Variants in PYGO1 observed in about 807,000 individuals in gnomAD.
The protein encoded by PYGO1 is pygopus homolog 1.
In PYGO1, 6 loss-of-function variants were observed where a neutral mutation model predicts 29.5. That is an observed-to-expected ratio of 0.20 (90% CI 0.11 to 0.40). PYGO1 has a LOEUF of 0.40. Ranked by LOEUF, PYGO1 falls within the 10% of genes least tolerant of loss-of-function variation. The probability of loss-of-function intolerance (pLI) is 1.00; values close to 1 mark genes in which losing one functional copy is unlikely to be tolerated. For synonymous variants in PYGO1, 186 were observed against 180.5 expected, an observed-to-expected ratio of 1.03 and a Z score of -0.24; for missense variants, 515 against 514.9, an observed-to-expected ratio of 1.00 and a Z score of 0.00.
At chr15:55,554,865 A>G (rs1209000099) in intron 1 of PYGO1, among the ~76,000 whole-genome samples, 2 of 152,218 alleles carry the variant, frequency 1.3e-5, no homozygotes, top group Admixed American at 1.3e-4. Context: ...GGAATTATGT[A>G]GAGAATAAAT....
In PYGO1 at chr15:55,560,652, C is replaced by G. The variant is rs74415573; in HGVS notation, c.50-11657G>C. On this transcript the variant is annotated intron_variant, in intron 1 of 2. Coordinates refer to ENST00000563719, the MANE Select transcript of PYGO1 (RefSeq NM_001367806.1). Reference sequence around the variant, plus strand: ...GCTATTCTCATCAAACTACCATTGACATTCTTCACAGAATTAGAAAACACT... The same window carrying G: ...GCTATTCTCATCAAACTACCATTGAGATTCTTCACAGAATTAGAAAACACT... 8.4e-3 allele frequency among the ~76,000 whole-genome samples: 1,282 copies of G among 152,280 alleles called. 22 individuals carry two copies. The highest frequency in any genetic ancestry group is 0.054 in the East Asian group (282 of 5,180).
intron 1 of PYGO1, among the ~76,000 whole-genome samples, chr15:55,582,644 A>G (rs151122146): frequency 6.6e-6 from 1 of 152,152 alleles, no homozygotes; most frequent in African/African-American, 2.4e-5. Context: ...TGACTTCCAG[A>G]GCTCTACTTC....
intron 1 of PYGO1, among the ~76,000 whole-genome samples, chr15:55,586,804 A>C (rs1407712417): frequency 6.6e-6 from 1 of 152,212 alleles, no homozygotes; most frequent in African/African-American, 2.4e-5. Flanking sequence ...ATCACCTTAC[A>C]TACAATCCAT....
At chr15:55,565,784 A>T (rs1365357507) in intron 1 of PYGO1, among the ~76,000 whole-genome samples, 1 of 151,838 alleles carries the variant, frequency 6.6e-6, no homozygotes, top group East Asian at 1.9e-4. Flanking sequence ...GTCCTTTGCC[A>T]TTTTTTCTTT....
intron 1 of PYGO1, among the ~76,000 whole-genome samples, chr15:55,574,917 A>C (rs991106033): frequency 6.6e-6 from 1 of 152,184 alleles, no homozygotes; most frequent in Admixed American, 6.5e-5. Context: ...ACAATACCAG[A>C]TTGTTACAAA....
intron 1 of PYGO1, among the ~76,000 whole-genome samples, chr15:55,580,027 G>A (rs985834493): frequency 4.6e-5 from 7 of 152,108 alleles, no homozygotes; most frequent in African/African-American, 1.7e-4. Flanking sequence ...GAGGTCCATG[G>A]GGTTTAAGGT....
Position 55,587,860 on chromosome 15 carries a change from A to G in PYGO1, c.24T>C (p.Asp8=). 1 of 1,494,748 alleles carries G rather than the reference A, an allele frequency of 6.7e-7. No individual in the cohort carries two copies. Among genetic ancestry groups the G allele is most frequent in the Non-Finnish European group, 8.9e-7 (1 of 1,125,158 alleles). The allele number at this position is 1,494,748 out of a possible 1,614,324, so 92.6% of individuals were successfully genotyped here. A position where few individuals can be genotyped will look rare whatever the true frequency, so the allele number is the denominator to read the frequency against. Residue 8 remains aspartate, a synonymous_variant, in exon 1 of 3, where the codon GAT becomes GAC. Transcript: ENST00000563719. ...CTCGAACTCTCTTCAGCGAAATGGGATCCTTCTCCTGTTCTGCTGACATTA... is the reference window on the plus strand; with the variant it reads ...CTCGAACTCTCTTCAGCGAAATGGGGTCCTTCTCCTGTTCTGCTGACATTA... MSAEQEK[D]PISLKRVRGG...
chr15:55,548,735 AAAAAAAAAAAAAAAG>A (rs2058864487), intron 2 of PYGO1, among the ~76,000 whole-genome samples, 160 bp downstream of exon 2: 12 of 131,826 alleles, frequency 9.1e-5, no homozygotes, highest in African/African-American at 3.1e-4. Flanking sequence ...AAAAAAAAAA[AAAAAAAAAAAAAAAG>A]AAAGTACCAT....
chr15:55,586,869 A>G (rs1224600699), intron 1 of PYGO1, among the ~76,000 whole-genome samples: 1 of 152,172 alleles, frequency 6.6e-6, no homozygotes, highest in African/African-American at 2.4e-5. Context: ...GTTGTCCACC[A>G]TACCACCTAC....
chr15:55,554,422 T>C (rs568860639), intron 1 of PYGO1, among the ~76,000 whole-genome samples: 20 of 144,972 alleles, frequency 1.4e-4, no homozygotes, highest in African/African-American at 3.6e-4. Flanking sequence ...TGAGCTGATA[T>C]TGAACCACTG....
At position 55,546,800 on chromosome 15, in the gene PYGO1, A is replaced by G. The variant is rs772507577; in HGVS notation, c.483T>C (p.Tyr161=). 17 of 1,613,938 alleles carry G rather than the reference A, an allele frequency of 1.1e-5. No individual in the cohort carries two copies. The highest frequency in any genetic ancestry group is 4.5e-5 in the East Asian group (2 of 44,890). The change falls in exon 3 of 3, where the codon TAT becomes TAC. Residue 161 remains tyrosine (Y), a synonymous_variant. Transcript: ENST00000563719. The stretch of plus-strand genomic sequence containing the variant: ...TGACATTCTGACTTAGTGCATTATT[A>G]TAAGATGGATTACCGAAACTTGAAT... ...HDNSSFGNPS[Y]NNALSQNVNM...
Position 55,545,135 on chromosome 15 carries a change from G to A in PYGO1, c.*888C>T, listed in dbSNP as rs984214650. The A allele has an allele frequency of 1.3e-5, 2 of 152,094 alleles. No homozygotes were observed. Among genetic ancestry groups the A allele is most frequent in the Non-Finnish European group, 2.9e-5 (2 of 68,014 alleles). 9.4% of individuals were successfully genotyped at this position (152,094 alleles called of 1,614,324 possible). On this transcript the variant is annotated 3_prime_UTR_variant, in exon 3 of 3. Transcript: ENST00000563719. ...CTAGCAGAGCCCTCTAAGGCCAAAT[G>A]GATGTTTCTACCTTCCTCATCTGCA...
intron 1 of PYGO1, among the ~76,000 whole-genome samples, chr15:55,550,656 A>G (rs867739623): frequency 2.6e-5 from 4 of 152,256 alleles, no homozygotes; most frequent in South Asian, 4.1e-4. Context: ...GTCACTGTCC[A>G]TGCTACCTCA....
chr15:55,578,188 T>C (rs1462584180), intron 1 of PYGO1, among the ~76,000 whole-genome samples: 1 of 152,222 alleles, frequency 6.6e-6, no homozygotes, highest in Non-Finnish European at 1.5e-5. Flanking sequence ...CTCCATTTTA[T>C]GGCTGATTAA....
intron 1 of PYGO1, among the ~76,000 whole-genome samples, chr15:55,575,114 G>C (rs1020990314): frequency 3.3e-5 from 5 of 152,174 alleles, no homozygotes; most frequent in African/African-American, 1.2e-4. Flanking sequence ...TCACAGAGTT[G>C]TGTCTTTCTG....
At chr15:55,588,638 C>G (rs867483407), upstream of PYGO1, among the ~76,000 whole-genome samples, 1 of 150,830 alleles carries the variant, frequency 6.6e-6, no homozygotes, top group Middle Eastern at 3.2e-3. Flanking sequence ...CGCCCCGCCC[C>G]GCGCCCGGCG....
chr15:55,567,565 G>C (rs888007282), intron 1 of PYGO1, among the ~76,000 whole-genome samples: 8 of 152,046 alleles, frequency 5.3e-5, no homozygotes, highest in African/African-American at 1.4e-4. Context: ...TAGGTTGTCT[G>C]TTTACTCTGT....
At chr15:55,559,107 G>A (rs1453257188) in intron 1 of PYGO1, among the ~76,000 whole-genome samples, 1 of 152,062 alleles carries the variant, frequency 6.6e-6, no homozygotes, top group Non-Finnish European at 1.5e-5. Context: ...CTAATATCCA[G>A]AATCTACAAA....
At chr15:55,560,176 C>G (rs1398613684) in intron 1 of PYGO1, among the ~76,000 whole-genome samples, 1 of 152,052 alleles carries the variant, frequency 6.6e-6, no homozygotes, top group African/African-American at 2.4e-5. Flanking sequence ...ACTCAAAGTT[C>G]TGGTCAGGGC....
Sources: gnomAD v4.1 joint callset for allele counts (sites outside exome capture counted in the v4.1 genomes callset) on GRCh38, gnomAD v4.1.1 for gene constraint, MANE v1.5 for transcripts, NCBI Gene and HGNC (gene_info 2026-07-23, HGNC 2026-07-21) for gene names.